ASCC1: variants seen among roughly 807,000 people sequenced by gnomAD.
ASCC1 encodes the protein activating signal cointegrator 1 complex subunit 1.
ASCC1 carries 35 observed loss-of-function variants against 46.6 expected under a neutral mutation model. The ratio of observed to expected loss-of-function variants is 0.75; its 90% confidence interval spans 0.57 to 0.99. ASCC1 has a LOEUF of 0.99. Among genes scored for constraint, ASCC1 ranks in the 50% least tolerant of loss-of-function variants. ASCC1 has a pLI of 0.00. For missense variants in ASCC1, 376 were observed against 428.7 expected, an observed-to-expected ratio of 0.88 and a Z score of 1.09; for synonymous variants, 143 against 146.6, an observed-to-expected ratio of 0.98 and a Z score of 0.18.
intron 9 of ASCC1, among the ~76,000 whole-genome samples, chr10:72,097,785 TCA>T (rs1157221631): frequency 6.6e-6 from 1 of 152,230 alleles, no homozygotes; most frequent in Non-Finnish European, 1.5e-5. Flanking sequence ...ACACCCTGAC[TCA>T]CAGAGTCTGA....
At chr10:72,214,111 G>A (rs1257258633) in intron 1 of ASCC1, among the ~76,000 whole-genome samples, 1 of 151,974 alleles carries the variant, frequency 6.6e-6, no homozygotes, top group Non-Finnish European at 1.5e-5. Context: ...CCAGCACTTT[G>A]GGAGGTTGAG....
At chr10:72,107,762 A>C (rs898260614) in intron 9 of ASCC1, among the ~76,000 whole-genome samples, 1 of 152,256 alleles carries the variant, frequency 6.6e-6, no homozygotes, top group African/African-American at 2.4e-5. Flanking sequence ...GTAATTCAAA[A>C]TCTAAGCTGT....
At chr10:72,195,969 A>G (rs1247159153) in intron 5 of ASCC1, among the ~76,000 whole-genome samples, 1 of 152,172 alleles carries the variant, frequency 6.6e-6, no homozygotes, top group Non-Finnish European at 1.5e-5. Context: ...TAAATTTTCT[A>G]TAATAAACAT....
At chr10:72,100,812 T>C (rs1418400850) in intron 9 of ASCC1, among the ~76,000 whole-genome samples, 2 of 152,180 alleles carry the variant, frequency 1.3e-5, no homozygotes, top group African/African-American at 4.8e-5. Flanking sequence ...TCTAGTAGAC[T>C]GCATCTGATC....
intron 9 of ASCC1, among the ~76,000 whole-genome samples, chr10:72,117,996 C>T (rs1170447868): frequency 6.6e-6 from 1 of 152,128 alleles, no homozygotes; most frequent in East Asian, 1.9e-4. Flanking sequence ...GGACATTTAG[C>T]AATAGATAAT....
At chr10:72,163,659 TG>T (rs1204338494) in intron 5 of ASCC1, among the ~76,000 whole-genome samples, 1 of 151,562 alleles carries the variant, frequency 6.6e-6, no homozygotes. Context: ...TGCTTGAACC[TG>T]GGAGGAAAAG....
chr10:72,159,280 C>T (rs1198660748), intron 6 of ASCC1: 1 of 152,136 alleles, frequency 6.6e-6, no homozygotes, highest in Non-Finnish European at 1.5e-5. Context: ...CTTTATTCCC[C>T]AGGCACACTA....
chr10:72,201,805 T>C (rs757487647), intron 4 of ASCC1, among the ~76,000 whole-genome samples: 5 of 152,024 alleles, frequency 3.3e-5, no homozygotes, highest in Non-Finnish European at 7.4e-5. Flanking sequence ...CCAGGTGTGG[T>C]GGCGTGTTCC....
At chr10:72,137,527 CAAAAAA>C (rs397956947) in intron 7 of ASCC1, among the ~76,000 whole-genome samples, 11 of 76,118 alleles carry the variant, frequency 1.4e-4, no homozygotes, top group African/African-American at 3.5e-4. Flanking sequence ...GACTCCATCT[CAAAAAA>C]AAAAAAAAAA....
intron 2 of ASCC1, among the ~76,000 whole-genome samples, chr10:72,212,484 T>G (rs1435357790): frequency 6.6e-6 from 1 of 152,200 alleles, no homozygotes; most frequent in South Asian, 2.1e-4. Flanking sequence ...CATGACCATC[T>G]GAGGATTTTG....
At chr10:72,168,289 GAATA>G (rs1850627664) in intron 5 of ASCC1, among the ~76,000 whole-genome samples, 1 of 152,060 alleles carries the variant, frequency 6.6e-6, no homozygotes, top group Non-Finnish European at 1.5e-5. Context: ...CACTTCACAT[GAATA>G]AAGATATAAA....
At chr10:72,188,314 T>C (rs1398936573) in intron 5 of ASCC1, among the ~76,000 whole-genome samples, 1 of 151,750 alleles carries the variant, frequency 6.6e-6, no homozygotes, top group Non-Finnish European at 1.5e-5. Flanking sequence ...AGATGGGGTT[T>C]CACTATTTTG....
chr10:72,205,426 A>G (rs1857065920), intron 3 of ASCC1, among the ~76,000 whole-genome samples: 1 of 151,436 alleles, frequency 6.6e-6, no homozygotes, highest in Non-Finnish European at 1.5e-5. Flanking sequence ...AGGTGAGGAG[A>G]TCGAGGCCAG....
chr10:72,167,804 T>G (rs773186371), intron 5 of ASCC1, among the ~76,000 whole-genome samples: 1 of 151,970 alleles, frequency 6.6e-6, no homozygotes, highest in Non-Finnish European at 1.5e-5. Flanking sequence ...CCTAGCTAAT[T>G]TTTTTTAAAT....
At chr10:72,149,519 T>G (rs1395067138) in intron 7 of ASCC1, among the ~76,000 whole-genome samples, 1 of 151,842 alleles carries the variant, frequency 6.6e-6, no homozygotes, top group Non-Finnish European at 1.5e-5. Flanking sequence ...AGTTTTAATT[T>G]CTACTCAGGT....
intron 7 of ASCC1, among the ~76,000 whole-genome samples, 179 bp downstream of exon 7, chr10:72,152,690 T>C (rs1299954592): frequency 6.6e-6 from 1 of 152,168 alleles, no homozygotes; most frequent in African/African-American, 2.4e-5. Context: ...TCTGATACTT[T>C]TTCCTACAAC....
At chr10:72,175,292 G>C (rs182436612) in intron 5 of ASCC1, among the ~76,000 whole-genome samples, 1 of 152,218 alleles carries the variant, frequency 6.6e-6, no homozygotes. Flanking sequence ...GAAGTCTCTG[G>C]CACACAGTAG....
chr10:72,189,244 C>G (rs925038757), intron 5 of ASCC1, among the ~76,000 whole-genome samples: 2 of 131,460 alleles, frequency 1.5e-5, no homozygotes, highest in Admixed American at 1.5e-4. Flanking sequence ...ACTAAAAATA[C>G]AAAAAAAAAA....
chr10:72,197,643 C>T (rs1036482739), intron 4 of ASCC1, among the ~76,000 whole-genome samples: 3 of 151,866 alleles, frequency 2.0e-5, no homozygotes, highest in Non-Finnish European at 2.9e-5. Flanking sequence ...CAGTGGCTCA[C>T]GCCTGTAATC....
Sources: gnomAD v4.1 joint callset for allele counts (sites outside exome capture counted in the v4.1 genomes callset) on GRCh38, gnomAD v4.1.1 for gene constraint, MANE v1.5 for transcripts, NCBI Gene and HGNC (gene_info 2026-07-23, HGNC 2026-07-21) for gene names.